Variants in SYT16 observed in about 807,000 individuals in gnomAD.
SYT16 encodes the protein synaptotagmin 16.
A neutral mutation model predicts 61.4 loss-of-function variants in SYT16; 42 were observed. The observed-to-expected ratio is 0.68, with a 90% CI of 0.53 to 0.89. SYT16 has a LOEUF of 0.89. Ranked by LOEUF, SYT16 falls within the 40% of genes least tolerant of loss-of-function variation. The pLI, the probability that SYT16 is intolerant of heterozygous loss-of-function variation, is 0.00. For missense variants in SYT16, 804 were observed against 807.3 expected, an observed-to-expected ratio of 1.00 and a Z score of 0.05; for synonymous variants, 314 against 302.3, an observed-to-expected ratio of 1.04 and a Z score of -0.40.
chr14:62,026,756 A>C (rs193288486), intron 3 of SYT16, among the ~76,000 whole-genome samples: 17 of 152,340 alleles, frequency 1.1e-4, no homozygotes, highest in African/African-American at 3.4e-4. Flanking sequence ...CTCAGAGAAT[A>C]TATGAGAATA....
At chr14:62,044,449 C>T (rs376902002) in intron 3 of SYT16, among the ~76,000 whole-genome samples, 54 of 152,226 alleles carry the variant, frequency 3.5e-4, no homozygotes, top group African/African-American at 1.2e-3. Context: ...TCTCCCTCCC[C>T]TTGCCTCCCC....
At chr14:62,095,587 G>A (rs1216569081) in intron 7 of SYT16, among the ~76,000 whole-genome samples, 1 of 151,514 alleles carries the variant, frequency 6.6e-6, no homozygotes, top group East Asian at 1.9e-4. Context: ...GACACAAACA[G>A]AAACTATATA....
chr14:62,075,905 A>G (rs1387339678), intron 5 of SYT16, among the ~76,000 whole-genome samples: 5 of 152,240 alleles, frequency 3.3e-5, no homozygotes. Context: ...CAGATCTTGC[A>G]CTGTGAATAT....
chr14:62,056,782 CTT>C (rs2140905674), intron 3 of SYT16, among the ~76,000 whole-genome samples: 1 of 152,308 alleles, frequency 6.6e-6, no homozygotes, highest in South Asian at 2.1e-4. Flanking sequence ...CTTTTGTTCT[CTT>C]GCAAGCAGTT....
intron 7 of SYT16, among the ~76,000 whole-genome samples, chr14:62,087,357 G>T (rs1210385481): frequency 1.3e-5 from 2 of 152,218 alleles, no homozygotes; most frequent in African/African-American, 4.8e-5. Flanking sequence ...GGGGCCTGCT[G>T]CAGAGTCCAC....
chr14:62,021,911 A>G (rs1290262296), intron 3 of SYT16, among the ~76,000 whole-genome samples: 1 of 152,162 alleles, frequency 6.6e-6, no homozygotes, highest in Non-Finnish European at 1.5e-5. Flanking sequence ...CAGGTAAGCA[A>G]ATTCTAGTAT....
intron 1 of SYT16, among the ~76,000 whole-genome samples, chr14:61,815,313 A>T (rs1002582585): frequency 6.6e-6 from 1 of 152,216 alleles, no homozygotes; most frequent in Non-Finnish European, 1.5e-5. Context: ...GTCACCATGC[A>T]GTGACTACAT....
At chr14:61,873,995 C>A (rs1033331146) in intron 1 of SYT16, among the ~76,000 whole-genome samples, 3 of 152,104 alleles carry the variant, frequency 2.0e-5, no homozygotes, top group Admixed American at 6.6e-5. Flanking sequence ...CATTAATACT[C>A]AGAATAATTA....
At chr14:62,006,378 C>T (rs1041418117) in intron 3 of SYT16, among the ~76,000 whole-genome samples, 1 of 152,028 alleles carries the variant, frequency 6.6e-6, no homozygotes, top group Admixed American at 6.6e-5. Context: ...TTTATGTGCA[C>T]GTCTTAAAAA....
At chr14:62,050,155 G>C (rs1468450107) in intron 3 of SYT16, among the ~76,000 whole-genome samples, 1 of 152,144 alleles carries the variant, frequency 6.6e-6, no homozygotes, top group Non-Finnish European at 1.5e-5. Context: ...ATATTTCTTG[G>C]AGGCTTTGTT....
intron 7 of SYT16, among the ~76,000 whole-genome samples, chr14:62,093,953 C>G (rs569688877): frequency 6.6e-6 from 1 of 152,176 alleles, no homozygotes; most frequent in East Asian, 1.9e-4. Flanking sequence ...AGCTGTAACT[C>G]AGACATACAG....
intron 1 of SYT16, among the ~76,000 whole-genome samples, chr14:61,862,668 T>G (rs2047001746): frequency 6.6e-6 from 1 of 152,200 alleles, no homozygotes; most frequent in African/African-American, 2.4e-5. Flanking sequence ...ACTCTTGGTG[T>G]TGTACATTCT....
At chr14:61,978,643 C>A (rs2051923631) in intron 2 of SYT16, among the ~76,000 whole-genome samples, 1 of 152,130 alleles carries the variant, frequency 6.6e-6, no homozygotes, top group Non-Finnish European at 1.5e-5. Flanking sequence ...AAGGGGTAGA[C>A]CTATTGTTAA....
Position 62,023,855 on chromosome 14 carries a change from T to G in SYT16, c.523+27313T>G, listed in dbSNP as rs542940890. ...GCAAACATGTCCTGTTTATCTTATC[T>G]TTAACCAAACATTGGTAGTGTATTC... On this transcript the variant is annotated intron_variant, in intron 3 of 7. Transcript: ENST00000683842. Among the ~76,000 whole-genome samples, 11 of 152,282 alleles carry G rather than the reference T, an allele frequency of 7.2e-5. 1 individual carries two copies. The South Asian group carries it at 2.1e-3, about 29-fold the overall frequency.
chr14:62,000,099 A>ATTTTTTTTTTTTTTTTTTTTT, intron 3 of SYT16, among the ~76,000 whole-genome samples: 3 of 18,956 alleles, frequency 1.6e-4, no homozygotes, highest in Non-Finnish European at 2.5e-4. Flanking sequence ...TTGTCTCTCG[A>ATTTTTTTTTTTTTTTTTTTTT]TTTTTTTTTT....
chr14:62,012,194 A>G (rs1461295953), intron 3 of SYT16, among the ~76,000 whole-genome samples: 1 of 152,168 alleles, frequency 6.6e-6, no homozygotes, highest in Non-Finnish European at 1.5e-5. Context: ...AGGGTCTCAC[A>G]TGGCTATAAT....
At chr14:62,059,000 T>C (rs2055695558) in intron 3 of SYT16, among the ~76,000 whole-genome samples, 1 of 152,128 alleles carries the variant, frequency 6.6e-6, no homozygotes, top group African/African-American at 2.4e-5. Flanking sequence ...TGTTCTCACT[T>C]ATAAGTGGGA....
At chr14:61,974,412 T>A (rs778555756) in intron 2 of SYT16, among the ~76,000 whole-genome samples, 2 of 152,238 alleles carry the variant, frequency 1.3e-5, no homozygotes, top group Non-Finnish European at 2.9e-5. Flanking sequence ...TGTTGCAGTC[T>A]TGAAATCCTT....
intron 2 of SYT16, among the ~76,000 whole-genome samples, chr14:61,978,922 T>G (rs184813612): frequency 2.8e-4 from 43 of 152,352 alleles, no homozygotes; most frequent in African/African-American, 9.9e-4. Flanking sequence ...CATAAGATTA[T>G]TCAAGATTGT....
Sources: gnomAD v4.1 joint callset for allele counts (sites outside exome capture counted in the v4.1 genomes callset) on GRCh38, gnomAD v4.1.1 for gene constraint, MANE v1.5 for transcripts, NCBI Gene and HGNC (gene_info 2026-07-23, HGNC 2026-07-21) for gene names.